Variants in DOCK3 observed in about 807,000 individuals in gnomAD.
DOCK3 encodes dedicator of cytokinesis 3.
Under a neutral mutation model 265.6 loss-of-function variants are expected in DOCK3, and 60 were observed. That is an observed-to-expected ratio of 0.23 (90% CI 0.18 to 0.28). The LOEUF (loss-of-function observed/expected upper bound fraction) is 0.28, where lower values mean the gene tolerates loss of function less well. Among genes scored for constraint, DOCK3 ranks in the 10% least tolerant of loss-of-function variants. The pLI is 1.00. For synonymous variants in DOCK3, 881 were observed against 938.0 expected (o/e 0.94, Z 1.11); for missense variants, 1,981 against 2,594.3 (o/e 0.76, Z 5.14).
intron 4 of DOCK3, among the ~76,000 whole-genome samples, chr3:50,929,206 C>T (rs2050927774): frequency 6.6e-6 from 1 of 152,158 alleles, no homozygotes; most frequent in Non-Finnish European, 1.5e-5. Flanking sequence ...TTTGTTTCCT[C>T]TCTCTGTTTC....
intron 4 of DOCK3, among the ~76,000 whole-genome samples, chr3:50,917,656 T>C (rs187788182): frequency 1.5e-3 from 225 of 152,234 alleles, no homozygotes; most frequent in Non-Finnish European, 2.7e-3. Context: ...CCAGTGTTTT[T>C]ATTTTGCATA....
At position 51,198,944 on chromosome 3, in the gene DOCK3, G is replaced by T. The variant is rs1301626753; in HGVS notation, c.1038-9830G>T. ...CTCAGGAGGCTGAGGCATGAGAATC[G>T]CTTGAAACCAGGGAGGTGGAGGTTG... On this transcript the variant is annotated intron_variant, in intron 12 of 52. Transcript: ENST00000266037. Among the ~76,000 whole-genome samples the T allele has an allele frequency of 2.0e-5, 3 of 152,058 alleles. No homozygotes were observed. The South Asian group carries it at 6.2e-4, about 31-fold the overall frequency.
In DOCK3 at chr3:50,869,342, ATTT is replaced by A. The variant is rs755531254; in HGVS notation, c.163-20638_163-20636del. Among the ~76,000 whole-genome samples the A allele has an allele frequency of 1.7e-4, 12 of 70,106 alleles. 5 individuals are homozygous for A. Among genetic ancestry groups the A allele is most frequent in the Admixed American group, 3.4e-4 (2 of 5,968 alleles). The allele number at this position is 70,106 out of a possible 152,430, so 46.0% of individuals were successfully genotyped here. On this transcript the variant is annotated intron_variant, in intron 3 of 52. Transcript: ENST00000266037. ...TCAATTTTATTTATTTCTGCTGGGA[ATTT>A]TTTTTTTTTTTTTTTTTTTTTTTTT...
chr3:50,958,384 C>A (rs2076786167), intron 5 of DOCK3, among the ~76,000 whole-genome samples: 1 of 152,174 alleles, frequency 6.6e-6, no homozygotes, highest in South Asian at 2.1e-4. Flanking sequence ...CTATTTCCAG[C>A]TACCTATTGG....
intron 27 of DOCK3, among the ~76,000 whole-genome samples, chr3:51,309,784 G>A (rs2082956356): frequency 6.6e-6 from 1 of 152,234 alleles, no homozygotes; most frequent in Non-Finnish European, 1.5e-5. Flanking sequence ...CAGATTTTCA[G>A]AGGTCTTTAC....
intron 5 of DOCK3, among the ~76,000 whole-genome samples, chr3:51,006,272 A>G (rs1454377681): frequency 7.2e-6 from 1 of 139,302 alleles, no homozygotes; most frequent in Admixed American, 7.3e-5. Context: ...TTTCTGTAGC[A>G]CTTATCACCT....
At chr3:51,312,759 C>T (rs1357623909) in intron 30 of DOCK3, 85 bp from the exon 31 acceptor site, 9 of 1,416,358 alleles carry the variant, frequency 6.4e-6, no homozygotes, top group Non-Finnish European at 3.9e-6. Context: ...ACAAACAGTG[C>T]TGAAGTCCTG....
chr3:50,774,827 A>G (rs2041492884), intron 1 of DOCK3, among the ~76,000 whole-genome samples: 1 of 151,984 alleles, frequency 6.6e-6, no homozygotes, highest in African/African-American at 2.4e-5. Context: ...GACACATCAT[A>G]GATGCCCTTT....
intron 5 of DOCK3, among the ~76,000 whole-genome samples, chr3:50,961,330 A>T (rs562219332): frequency 1.4e-4 from 22 of 152,312 alleles, no homozygotes; most frequent in African/African-American, 5.1e-4. Flanking sequence ...TTGAGAGAAA[A>T]ATGGTAAAAT....
At chr3:50,721,951 A>T (rs971285068) in intron 1 of DOCK3, among the ~76,000 whole-genome samples, 3 of 152,106 alleles carry the variant, frequency 2.0e-5, no homozygotes, top group African/African-American at 7.2e-5. Flanking sequence ...TCACAGAGTG[A>T]GTTTACATCC....
rs190814099 is a variant in DOCK3 at position 51,064,882 on chromosome 3, G to C, written c.464+286G>C. Among the ~76,000 whole-genome samples the C allele has an allele frequency of 1.8e-4, 27 of 152,266 alleles. 1 individual carries two copies. The highest frequency in any genetic ancestry group is 1.4e-3 in the Admixed American group (21 of 15,284). ...ATAAAGTTAAATTTCTTTGACCTCA[G>C]ATTTCTTGATTCTACACCTCCTAAT... is the stretch of plus-strand genomic sequence containing the variant. On this transcript the variant is annotated intron_variant, in intron 6 of 52. Transcript: ENST00000266037.
chr3:51,203,084 A>G (rs2088915926), intron 12 of DOCK3, among the ~76,000 whole-genome samples: 1 of 152,220 alleles, frequency 6.6e-6, no homozygotes, highest in South Asian at 2.1e-4. Context: ...AAAAACTGGA[A>G]GCATTCCCTT....
At chr3:50,765,025 G>C (rs2040776828) in intron 1 of DOCK3, among the ~76,000 whole-genome samples, 1 of 147,974 alleles carries the variant, frequency 6.8e-6, no homozygotes, top group Admixed American at 6.8e-5. Context: ...GCCTCCCAAA[G>C]TGCTGGGATT....
intron 2 of DOCK3, among the ~76,000 whole-genome samples, chr3:50,804,202 C>T (rs1437198091): frequency 1.3e-5 from 2 of 151,894 alleles, no homozygotes; most frequent in Non-Finnish European, 2.9e-5. Context: ...AGAGACGCTC[C>T]TCACTTCCTA....
chr3:51,015,629 C>T (rs2079121005), intron 5 of DOCK3, among the ~76,000 whole-genome samples: 1 of 146,122 alleles, frequency 6.8e-6, no homozygotes, highest in African/African-American at 2.5e-5. Context: ...TAGGGTAATC[C>T]TGACCTTGTA....
intron 3 of DOCK3, among the ~76,000 whole-genome samples, chr3:50,879,437 T>C (rs1210908243): frequency 1.3e-5 from 2 of 148,216 alleles, no homozygotes; most frequent in Non-Finnish European, 3.0e-5. Context: ...GAGGAAGATT[T>C]ACCAAGCAAA....
intron 5 of DOCK3, among the ~76,000 whole-genome samples, chr3:51,034,852 G>T (rs1270728474): frequency 6.6e-6 from 1 of 151,988 alleles, no homozygotes; most frequent in South Asian, 2.1e-4. Flanking sequence ...TTTATTTCTA[G>T]ATATAGAATT....
At chr3:51,012,503 G>A (rs2078992936) in intron 5 of DOCK3, among the ~76,000 whole-genome samples, 1 of 152,186 alleles carries the variant, frequency 6.6e-6, no homozygotes, top group South Asian at 2.1e-4. Context: ...GAAAAGTGCA[G>A]TATTAGGGTG....
chr3:50,970,931 ATATATATATATATATAATGTG>A (rs2077200534), intron 5 of DOCK3, among the ~76,000 whole-genome samples: 6 of 72,122 alleles, frequency 8.3e-5, no homozygotes, highest in Admixed American at 3.3e-4. Context: ...ATATATATAT[ATATATATATATATATAATGTG>A]TGTGTGTGTG....
Sources: gnomAD v4.1 joint callset for allele counts (sites outside exome capture counted in the v4.1 genomes callset) on GRCh38, gnomAD v4.1.1 for gene constraint, MANE v1.5 for transcripts, NCBI Gene and HGNC (gene_info 2026-07-23, HGNC 2026-07-21) for gene names.